TCTN2: variants seen among roughly 807,000 people sequenced by gnomAD.
TCTN2 encodes the protein tectonic family member 2.
In TCTN2, 66 loss-of-function variants were observed where a neutral mutation model predicts 83.4. The ratio of observed to expected loss-of-function variants is 0.79; its 90% CI spans 0.65 to 0.97. The LOEUF (loss-of-function observed/expected upper bound fraction) is 0.97, where lower values mean the gene tolerates loss of function less well. TCTN2 is among the 50% of genes least tolerant of loss of function. TCTN2 has a pLI of 0.00. For missense variants in TCTN2, 794 were observed against 858.1 expected (o/e 0.93, Z 0.93); for synonymous variants, 301 against 326.7 (o/e 0.92, Z 0.85).
rs772493546 is a variant in TCTN2, at chr12:123,707,027, G to A, written c.1938G>A (p.Glu646=). ...CAGAGTATGACTGCAACAGAAATGA[G>A]GTGTGTTGGCCGCAGCTTCTATATC... The part of the protein sequence containing the change: ...NYTEYDCNRN[E]VCWPQLLYPW... The change falls in exon 17 of 18, where the codon GAG becomes GAA. Residue 646 remains glutamate (E), a synonymous_variant. Transcript: ENST00000303372. The A allele has an allele frequency of 1.2e-6, 2 of 1,613,868 alleles. No individual in the cohort carries two copies. Among genetic ancestry groups the A allele is most frequent in the South Asian group, 1.1e-5 (1 of 91,070 alleles).
At chr12:123,679,107 C>A in intron 4 of TCTN2, 82 bp from the exon 5 acceptor site, 2 of 1,328,288 alleles carry the variant, frequency 1.5e-6, no homozygotes, top group Non-Finnish European at 2.2e-6. Context: ...GATAATTCAG[C>A]TTTCTTTTGA....
intron 9 of TCTN2, 81 bp from the exon 10 acceptor site, chr12:123,694,761 C>T (rs373667614): frequency 9.9e-6 from 15 of 1,518,540 alleles, no homozygotes; most frequent in South Asian, 5.7e-5. Context: ...GGGAAGGCCA[C>T]GCAAGCAGAG....
At chr12:123,689,207 A>AG (rs1275588676) in intron 7 of TCTN2, among the ~76,000 whole-genome samples, 6 of 151,946 alleles carry the variant, frequency 3.9e-5, no homozygotes, top group African/African-American at 1.5e-4. Context: ...GACTACAGGC[A>AG]CATGCCACCA....
intron 13 of TCTN2, among the ~76,000 whole-genome samples, chr12:123,697,818 GC>G (rs1956127878): frequency 6.6e-6 from 1 of 151,456 alleles, no homozygotes; most frequent in Admixed American, 6.6e-5. Flanking sequence ...TACTCCTAGA[GC>G]TATGAAAAAG....
chr12:123,695,090 G>A (rs1956091404), intron 10 of TCTN2, 114 bp downstream of exon 10: 2 of 1,478,858 alleles, frequency 1.4e-6, no homozygotes, highest in East Asian at 2.3e-5. Flanking sequence ...TTTCTTATGT[G>A]CATTTATGAT....
intron 14 of TCTN2, among the ~76,000 whole-genome samples, chr12:123,701,306 A>G (rs1351519288): frequency 5.9e-5 from 9 of 152,208 alleles, no homozygotes; most frequent in Admixed American, 6.6e-5. Flanking sequence ...GAGTGATAAA[A>G]TGTTCTAAAA....
At position 123,687,011 on chromosome 12, in the gene TCTN2, T is replaced by C; in HGVS notation, c.740T>C (p.Leu247Pro). ...TCCCCCCTTGCCAACACACCCTTCC[T>C]TGGTTACTTCTATCATGGTGCTGTG... ...VQSPLANTPF[L>P]GYFYHGAVSP... Residue 247 changes from leucine to proline, a missense_variant, in exon 6 of 18, where the codon CTT becomes CCT. Leu to Pro is a moderately conservative substitution (Grantham distance 98). Transcript: ENST00000303372. 6.2e-7 allele frequency: 1 copy of C among 1,614,180 alleles called. No individual in the cohort carries two copies. Among genetic ancestry groups the C allele is most frequent in the Admixed American group, 1.7e-5 (1 of 60,010 alleles).
chr12:123,688,451 G>T (rs1257897956), intron 7 of TCTN2, among the ~76,000 whole-genome samples: 1 of 152,088 alleles, frequency 6.6e-6, no homozygotes, highest in Admixed American at 6.6e-5. Flanking sequence ...TCTTGACCCT[G>T]TGATCCTAGT....
Position 123,697,043 on chromosome 12 carries a change from T to C in TCTN2, c.1394-44T>C, listed in dbSNP as rs777164401. ...GAAAACTGAAGTTAATCTTTACTTT[T>C]GTTTAGCAAAAAGTAGCAAGAGGAT... On this transcript the variant is annotated intron_variant, in intron 12 of 17. Transcript: ENST00000303372. The C allele has an allele frequency of 1.5e-5, 23 of 1,493,604 alleles. No homozygotes were observed. The African/African-American group carries it at 2.6e-4, about 17-fold the overall frequency. The allele number at this position is 1,493,604 out of a possible 1,614,324, so 92.5% of individuals were successfully genotyped here.
chr12:123,704,643 CGG>C lies in TCTN2; in HGVS notation c.1725_1726del (p.Val576GlyfsTer29). 6.2e-7 allele frequency: 1 copy of C among 1,612,738 alleles called. No individual in the cohort carries two copies. Among genetic ancestry groups the C allele is most frequent in the East Asian group, 2.2e-5 (1 of 44,850 alleles). ...CGCATCCTCATCTCGGATGCTGGCGCGGTGGAAGGGATTACTCAGCAGGAGAT... is the reference window on the plus strand; with the variant it reads ...CGCATCCTCATCTCGGATGCTGGCGCTGGAAGGGATTACTCAGCAGGAGAT... On this transcript the variant is annotated frameshift_variant, in exon 15 of 18. Transcript: ENST00000303372. LOFTEE classifies it high-confidence loss of function.
intron 12 of TCTN2, 165 bp downstream of exon 12, chr12:123,696,660 C>A (rs1956113290): frequency 1.4e-6 from 1 of 695,234 alleles, no homozygotes; most frequent in African/African-American, 1.8e-5. Context: ...TTTCCTGCTT[C>A]TACAGCTTTT....
chr12:123,680,597 A>G (rs971683004), intron 5 of TCTN2, among the ~76,000 whole-genome samples: 11 of 149,174 alleles, frequency 7.4e-5, no homozygotes, highest in African/African-American at 2.5e-4. Context: ...GGTCACTGCA[A>G]CCTCCACCTC....
chr12:123,696,962 C>T (rs1357869715), intron 12 of TCTN2, 125 bp from the exon 13 acceptor site: 1 of 763,398 alleles, frequency 1.3e-6, no homozygotes, highest in Non-Finnish European at 2.3e-6. Context: ...TAACAGTGAT[C>T]TCAGTTTTTG....
At chr12:123,685,310 T>C (rs1232792051) in intron 5 of TCTN2, among the ~76,000 whole-genome samples, 1 of 152,210 alleles carries the variant, frequency 6.6e-6, no homozygotes, top group Non-Finnish European at 1.5e-5. Context: ...TCGTTTCAAA[T>C]GAGAGATCAC....
At chr12:123,695,666 C>T (rs1224529897) in intron 11 of TCTN2, 1 of 171,386 alleles carries the variant, frequency 5.8e-6, no homozygotes, top group Non-Finnish European at 1.2e-5. Context: ...TGCAGGGTTG[C>T]TCACTTTAAT....
chr12:123,700,682 C>T (rs566396755), intron 14 of TCTN2, among the ~76,000 whole-genome samples: 17 of 152,344 alleles, frequency 1.1e-4, no homozygotes, highest in African/African-American at 3.4e-4. Flanking sequence ...CCACCTGCCT[C>T]GGCCTCCCAA....
chr12:123,686,979 T>A lies in TCTN2; in HGVS notation c.708T>A (p.Cys236Ter), dbSNP rs781632309. ...TCCCCGATTGGTTTCCCTTTCTGTG[T>A]GTGCAGTCCCCCCTTGCCAACACAC... is the stretch of plus-strand genomic sequence containing the variant. ...RGVPDWFPFL[C>*]VQSPLANTPF... Residue 236 changes from cysteine to a stop codon, truncating the protein, a stop_gained, in exon 6 of 18, where the codon TGT becomes TGA. Coordinates refer to ENST00000303372, the MANE Select transcript of TCTN2 (RefSeq NM_024809.5). LOFTEE classifies it high-confidence loss of function. The A allele has an allele frequency of 9.3e-6, 15 of 1,614,062 alleles. No individual in the cohort carries two copies. The Admixed American group carries it at 2.5e-4, about 27-fold the overall frequency.
At chr12:123,696,299 C>T (rs1956107584) in intron 11 of TCTN2, 116 bp from the exon 12 acceptor site, 2 of 849,592 alleles carry the variant, frequency 2.4e-6, no homozygotes, top group East Asian at 2.5e-5. Flanking sequence ...AGGGTATTTT[C>T]GAAAGCTTCG....
chr12:123,674,575 T>C (rs776751978), intron 4 of TCTN2, among the ~76,000 whole-genome samples: 3 of 152,138 alleles, frequency 2.0e-5, no homozygotes, highest in Non-Finnish European at 2.9e-5. Context: ...GCACGTGCAT[T>C]GATTGTCATG....
Sources: allele counts gnomAD v4.1 joint callset (sites outside exome capture counted in the v4.1 genomes callset), GRCh38; gene constraint gnomAD v4.1.1; transcripts MANE v1.5; gene names NCBI Gene and HGNC (gene_info 2026-07-23, HGNC 2026-07-21).